SNAP47: variants seen among roughly 807,000 people sequenced by gnomAD.
SNAP47 encodes synaptosomal-associated protein 47.
Under a neutral mutation model 31.4 loss-of-function variants are expected in SNAP47, and 20 were observed. That is an observed-to-expected ratio of 0.64 (90% CI 0.45 to 0.93). The LOEUF is 0.93. Among genes scored for constraint, SNAP47 ranks in the 40% least tolerant of loss-of-function variants. SNAP47 has a pLI of 0.00. For synonymous variants in SNAP47, 194 were observed against 213.4 expected (o/e 0.91, Z 0.79); for missense variants, 492 against 528.5 (o/e 0.93, Z 0.68).
chr1:227,775,657 G>A (rs540040193), intron 4 of SNAP47: 33 of 880,004 alleles, frequency 3.7e-5, no homozygotes, highest in South Asian at 3.7e-4. Context: ...AATGGTGCGC[G>A]CATGGACACA....
chr1:227,750,544 G>A (rs1273308306), intron 2 of SNAP47, among the ~76,000 whole-genome samples: 1 of 152,230 alleles, frequency 6.6e-6, no homozygotes, highest in African/African-American at 2.4e-5. Context: ...GCTGGGACTG[G>A]CCCTCTGCCC....
At position 227,763,307 on chromosome 1, in the gene SNAP47, C is replaced by A. The variant is rs1164422662; in HGVS notation, c.989-3652C>A. Among the ~76,000 whole-genome samples, 1 of 152,204 alleles carries A rather than the reference C, an allele frequency of 6.6e-6. No homozygotes were observed. The highest frequency in any genetic ancestry group is 6.5e-5 in the Admixed American group (1 of 15,274). On this transcript the variant is annotated intron_variant, in intron 3 of 4. Coordinates refer to ENST00000617596, the MANE Select transcript of SNAP47 (RefSeq NM_053052.4). This position sits in a 1 kb window ranked among gnomAD's most constrained non-coding sequence, Gnocchi z 4.2. The stretch of plus-strand genomic sequence containing the variant: ...CACTGAGATTTTTCTTTGTCACTCA[C>A]TGCCTGTCTTGGGGGTAAGGCCTGC...
chr1:227,775,931 A>T (rs1664133306), intron 4 of SNAP47: 1 of 1,298,558 alleles, frequency 7.7e-7, no homozygotes. Context: ...TGCTCAGGGC[A>T]TGAGGGAGCC....
intron 4 of SNAP47, chr1:227,777,189 T>C (rs1040471229): frequency 2.9e-6 from 2 of 686,900 alleles, no homozygotes; most frequent in African/African-American, 3.9e-5. Flanking sequence ...AGAATAATTG[T>C]ACATACTCAT....
chr1:227,745,083 C>A (rs574296712), intron 1 of SNAP47, among the ~76,000 whole-genome samples: 3 of 152,228 alleles, frequency 2.0e-5, no homozygotes, highest in Non-Finnish European at 4.4e-5. Context: ...GTTTCAAATG[C>A]TCTTGGAATT....
At chr1:227,745,514 G>A (rs1661904089) in intron 1 of SNAP47, among the ~76,000 whole-genome samples, 1 of 152,184 alleles carries the variant, frequency 6.6e-6, no homozygotes, top group South Asian at 2.1e-4. Flanking sequence ...TGGTGTGAAG[G>A]ACCCACACCC....
intron 3 of SNAP47, among the ~76,000 whole-genome samples, chr1:227,760,242 G>T (rs1052338349): frequency 1.2e-4 from 18 of 152,230 alleles, no homozygotes; most frequent in African/African-American, 4.1e-4. Context: ...GTGGGAACCA[G>T]CACCTCAGGA....
In SNAP47 at chr1:227,780,828, C is replaced by G; in HGVS notation, c.*155C>G. ...GTGGGGCTGCTTCTGCACCAGGGGCCTCCCCAGGTGTGCACCATGCCTGCC... is the reference window on the plus strand; with the variant it reads ...GTGGGGCTGCTTCTGCACCAGGGGCGTCCCCAGGTGTGCACCATGCCTGCC... On this transcript the variant is annotated 3_prime_UTR_variant, in exon 5 of 5. Transcript: ENST00000617596. The G allele has an allele frequency of 2.8e-6, 3 of 1,058,814 alleles. No individual in the cohort carries two copies. The highest frequency in any genetic ancestry group is 4.0e-6 in the Non-Finnish European group (3 of 748,602). The allele number at this position is 1,058,814 out of a possible 1,614,324, so 65.6% of individuals were successfully genotyped here. A position where few individuals can be genotyped will look rare whatever the true frequency, so the allele number is the denominator to read the frequency against.
chr1:227,731,450 G>GA (rs1558180127), upstream of SNAP47: 1 of 152,230 alleles, frequency 6.6e-6, no homozygotes, highest in Non-Finnish European at 1.5e-5. Flanking sequence ...GGGGCCAACT[G>GA]AAAAAATGCT....
Position 227,781,033 on chromosome 1 carries a change from TG to T in SNAP47, c.*361del. 4.5e-6 allele frequency: 1 copy of T among 224,150 alleles called. No homozygotes were observed. Among genetic ancestry groups the T allele is most frequent in the Admixed American group, 5.2e-5 (1 of 19,162 alleles). 13.9% of individuals were successfully genotyped at this position (224,150 alleles called of 1,614,324 possible). ...GGCCTTCTTAGCTGTACTATAAATT[TG>T]TGAGTGAAGTTAGAGCCCAGCTCAC... On this transcript the variant is annotated 3_prime_UTR_variant, in exon 5 of 5. Transcript: ENST00000617596.
At chr1:227,770,182 C>T (rs902353454) in intron 4 of SNAP47, among the ~76,000 whole-genome samples, 2 of 152,228 alleles carry the variant, frequency 1.3e-5, no homozygotes, top group African/African-American at 2.4e-5. Context: ...CTGCCTGTGA[C>T]GTCTCCATAA....
At chr1:227,751,749 T>TG (rs1662374769) in intron 2 of SNAP47, among the ~76,000 whole-genome samples, 2 of 25,018 alleles carry the variant, frequency 8.0e-5, no homozygotes, top group Non-Finnish European at 1.3e-4. Context: ...ACTTGGTTTT[T>TG]TTTTTTTTTT....
rs961236254 is a variant in SNAP47 at position 227,747,685 on chromosome 1, C to T, written c.-45-7C>T. 29 of 1,581,680 alleles carry T rather than the reference C, an allele frequency of 1.8e-5. No individual in the cohort carries two copies. Among genetic ancestry groups the T allele is most frequent in the African/African-American group, 5.4e-5 (4 of 74,072 alleles). ...ACGGCAGAACGTTACTGTCTCTTCT[C>T]CTTCAGAGGCAGAAGAGGCCTGGAC... is the stretch of plus-strand genomic sequence containing the variant. On this transcript the variant is annotated splice_region_variant and splice_polypyrimidine_tract_variant and intron_variant, in intron 1 of 4. Coordinates refer to ENST00000617596, the MANE Select transcript of SNAP47 (RefSeq NM_053052.4).
chr1:227,759,394 C>T lies in SNAP47; in HGVS notation c.897C>T (p.Ser299=). Residue 299 remains serine (S), a synonymous_variant, in exon 3 of 5, where the codon AGC becomes AGT. Coordinates refer to ENST00000617596, the MANE Select transcript of SNAP47 (RefSeq NM_053052.4). ...TCCCCATTTTAGAAGTGCAGTTCAG[C>T]AAGAAGATGGAGCTGTTAGAAGATG... ...EVIPILEVQF[S]KKMELLEDAL... is the part of the protein sequence containing the mutation. 1.2e-6 allele frequency: 2 copies of T among 1,614,222 alleles called. No individual in the cohort carries two copies. The highest frequency in any genetic ancestry group is 1.7e-6 in the Non-Finnish European group (2 of 1,180,052).
At chr1:227,773,147 T>C (rs1426658402) in intron 4 of SNAP47, among the ~76,000 whole-genome samples, 1 of 147,042 alleles carries the variant, frequency 6.8e-6, no homozygotes, top group Non-Finnish European at 1.5e-5. Flanking sequence ...TTTTTTTTTT[T>C]TTTTGTAGAC....
chr1:227,754,452 C>G (rs952045718), intron 2 of SNAP47, among the ~76,000 whole-genome samples: 1 of 152,168 alleles, frequency 6.6e-6, no homozygotes, highest in East Asian at 1.9e-4. Context: ...TCTGTCCATC[C>G]GTAAGGGTGG....
intron 3 of SNAP47, 103 bp downstream of exon 3, chr1:227,759,588 A>G (rs1662935437): frequency 1.4e-6 from 2 of 1,469,368 alleles, no homozygotes; most frequent in Admixed American, 4.3e-5. Context: ...CACCTAGAGC[A>G]GCTGCTGGCC....
At chr1:227,749,930 C>G (rs910352787) in intron 2 of SNAP47, among the ~76,000 whole-genome samples, 1 of 152,198 alleles carries the variant, frequency 6.6e-6, no homozygotes, top group Non-Finnish European at 1.5e-5. Flanking sequence ...TGTTGTTTCT[C>G]GTTTTGTGAT....
upstream of SNAP47, chr1:227,735,313 C>A: frequency 6.2e-7 from 1 of 1,602,730 alleles, no homozygotes; most frequent in East Asian, 2.2e-5. Flanking sequence ...TCCTCACTTC[C>A]GCCGGAGCGG....
Sources: allele counts gnomAD v4.1 joint callset (sites outside exome capture counted in the v4.1 genomes callset), GRCh38; gene constraint gnomAD v4.1.1; non-coding constraint Gnocchi (gnomAD v3.1); transcripts MANE v1.5; gene names NCBI Gene and HGNC (gene_info 2026-07-23, HGNC 2026-07-21).